CDH9: variants seen among roughly 807,000 people sequenced by gnomAD.
CDH9 encodes the protein cadherin 9.
A neutral mutation model predicts 70.9 loss-of-function variants in CDH9; 28 were observed. That is an observed-to-expected ratio of 0.40 (90% CI 0.29 to 0.54). The LOEUF (loss-of-function observed/expected upper bound fraction) is 0.54, where lower values mean the gene tolerates loss of function less well. CDH9 is among the 20% of genes least tolerant of loss of function. The pLI is 0.59. For synonymous variants in CDH9, 409 were observed against 343.1 expected (o/e 1.19, Z -2.12); for missense variants, 874 against 984.4 (o/e 0.89, Z 1.50).
chr5:26,954,122 T>C (rs1741898652), intron 2 of CDH9, among the ~76,000 whole-genome samples: 1 of 152,192 alleles, frequency 6.6e-6, no homozygotes, highest in South Asian at 2.1e-4. Context: ...TTTTGTTCTT[T>C]ACCATGTATC....
intron 1 of CDH9, among the ~76,000 whole-genome samples, chr5:27,003,539 T>C (rs912976489): frequency 2.6e-5 from 4 of 152,032 alleles, no homozygotes; most frequent in Non-Finnish European, 5.9e-5. Flanking sequence ...CCTTACAATA[T>C]GTTGAAAATG....
chr5:26,943,615 G>A (rs1741699463), intron 2 of CDH9, among the ~76,000 whole-genome samples: 1 of 152,004 alleles, frequency 6.6e-6, no homozygotes, highest in African/African-American at 2.4e-5. Flanking sequence ...GGCTAAGACT[G>A]TTTAAAGGCA....
At chr5:26,909,070 G>A (rs1163697936) in intron 3 of CDH9, among the ~76,000 whole-genome samples, 2 of 151,980 alleles carry the variant, frequency 1.3e-5, no homozygotes, top group Non-Finnish European at 2.9e-5. Context: ...TACAACCTCC[G>A]CCTCCCGGGT....
At chr5:26,993,292 T>A (rs1742611816) in intron 1 of CDH9, among the ~76,000 whole-genome samples, 1 of 152,202 alleles carries the variant, frequency 6.6e-6, no homozygotes. Context: ...TCCAGTGTTT[T>A]ACAGAATGTA....
chr5:26,905,617 T>C (rs1740932184), intron 5 of CDH9, among the ~76,000 whole-genome samples: 1 of 151,912 alleles, frequency 6.6e-6, no homozygotes, highest in Non-Finnish European at 1.5e-5. Flanking sequence ...AACCAAGAAG[T>C]GGATCCAAAG....
chr5:26,972,877 T>A (rs1742243865), intron 2 of CDH9, among the ~76,000 whole-genome samples: 1 of 152,006 alleles, frequency 6.6e-6, no homozygotes, highest in African/African-American at 2.4e-5. Context: ...TTTTTTTTTT[T>A]TTTTGAAATG....
At chr5:26,957,920 T>A (rs1039958277) in intron 2 of CDH9, among the ~76,000 whole-genome samples, 3 of 152,152 alleles carry the variant, frequency 2.0e-5, no homozygotes, top group South Asian at 2.1e-4. Context: ...TGATTTAAAA[T>A]GACAGATGAA....
intron 2 of CDH9, among the ~76,000 whole-genome samples, chr5:26,976,488 T>C (rs900521142): frequency 2.0e-5 from 3 of 152,112 alleles, no homozygotes; most frequent in African/African-American, 7.2e-5. Flanking sequence ...CCCAGGTTAG[T>C]GTGCAGTGGT....
intron 2 of CDH9, among the ~76,000 whole-genome samples, chr5:26,946,419 A>G (rs1386830673): frequency 6.6e-6 from 1 of 152,006 alleles, no homozygotes; most frequent in East Asian, 1.9e-4. Flanking sequence ...ATTGTATTGA[A>G]ACCCACTAAT....
chr5:26,936,318 C>T (rs1741558065), intron 2 of CDH9, among the ~76,000 whole-genome samples: 1 of 151,804 alleles, frequency 6.6e-6, no homozygotes, highest in Non-Finnish European at 1.5e-5. Flanking sequence ...ATTAAAAAGA[C>T]AAAATTATCT....
chr5:26,913,757 T>TTG (rs5866811), intron 3 of CDH9, among the ~76,000 whole-genome samples: 17,100 of 145,442 alleles, frequency 0.12, 1,879 homozygotes, highest in African/African-American at 0.31. Context: ...ACATATATGT[T>TTG]TGTGTGTGTG....
At chr5:26,962,294 G>C (rs1742050360) in intron 2 of CDH9, among the ~76,000 whole-genome samples, 1 of 152,096 alleles carries the variant, frequency 6.6e-6, no homozygotes, top group African/African-American at 2.4e-5. Flanking sequence ...ACTTGTGCAT[G>C]TGTCTTTATA....
chr5:27,016,708 T>A (rs1743052347), intron 1 of CDH9, among the ~76,000 whole-genome samples: 1 of 151,882 alleles, frequency 6.6e-6, no homozygotes, highest in African/African-American at 2.4e-5. Context: ...TTTTAGCCAT[T>A]AAAAATGCAT....
chr5:26,989,107 A>T (rs933571915), intron 1 of CDH9, among the ~76,000 whole-genome samples: 2 of 152,100 alleles, frequency 1.3e-5, no homozygotes, highest in South Asian at 4.1e-4. Context: ...TAAGAAAAAA[A>T]TAGCATTGAA....
Position 26,942,285 on chromosome 5 carries a change from CAATT to C in CDH9, c.229-26365_229-26362del, listed in dbSNP as rs748627389. ...CATGGCAGTAACCACCCCCACAATTCAATTACTTCCCACTGGGTCCCTCCCACAA... is the reference window on the plus strand; with the variant it reads ...CATGGCAGTAACCACCCCCACAATTCACTTCCCACTGGGTCCCTCCCACAA... On this transcript the variant is annotated intron_variant, in intron 2 of 11. Transcript: ENST00000231021. Among the ~76,000 whole-genome samples, 33 of 152,284 alleles carry C rather than the reference CAATT, an allele frequency of 2.2e-4. No individual in the cohort carries two copies. In the Middle Eastern group the frequency reaches 0.017, roughly 78 times the overall value.
At chr5:26,998,108 C>A (rs756601901) in intron 1 of CDH9, among the ~76,000 whole-genome samples, 1 of 152,144 alleles carries the variant, frequency 6.6e-6, no homozygotes, top group African/African-American at 2.4e-5. Context: ...GGGCATTCCA[C>A]ACCCAGCATA....
chr5:26,921,588 G>A (rs1741244481), intron 2 of CDH9, among the ~76,000 whole-genome samples: 1 of 152,076 alleles, frequency 6.6e-6, no homozygotes, highest in East Asian at 1.9e-4. Flanking sequence ...AAAATATCTG[G>A]CATCAATAAA....
chr5:27,022,911 C>T (rs951052340), intron 1 of CDH9, among the ~76,000 whole-genome samples: 2 of 151,864 alleles, frequency 1.3e-5, no homozygotes, highest in Non-Finnish European at 2.9e-5. Flanking sequence ...TTGGATACTT[C>T]CAAGTAGTTC....
chr5:27,001,696 A>G (rs1160518606), intron 1 of CDH9, among the ~76,000 whole-genome samples: 2 of 152,148 alleles, frequency 1.3e-5, no homozygotes, highest in African/African-American at 4.8e-5. Flanking sequence ...TCTATAACCT[A>G]GCTCTTAGTG....
Sources: allele counts gnomAD v4.1 joint callset (sites outside exome capture counted in the v4.1 genomes callset), GRCh38; gene constraint gnomAD v4.1.1; transcripts MANE v1.5; gene names NCBI Gene and HGNC (gene_info 2026-07-23, HGNC 2026-07-21).